The following PTPRD variants were observed in gnomAD, a reference collection of about 807,000 sequenced individuals.
PTPRD encodes the protein receptor-type tyrosine-protein phosphatase delta.
Under a neutral mutation model 214.5 loss-of-function variants are expected in PTPRD, and 34 were observed. That is an observed-to-expected ratio of 0.16 (90% confidence interval 0.12 to 0.21). The LOEUF (loss-of-function observed/expected upper bound fraction) is 0.21. Among genes scored for constraint, PTPRD ranks in the 10% least tolerant of loss-of-function variants. The pLI, the probability that PTPRD is intolerant of heterozygous loss-of-function variation, is 1.00. For synonymous variants in PTPRD, 1,128 were observed against 845.7 expected (o/e 1.33, Z -5.79); for missense variants, 2,545 against 2,398.7 (o/e 1.06, Z -1.27).
chr9:10,369,876 T>G (rs2097578863), intron 2 of PTPRD, among the ~76,000 whole-genome samples: 1 of 152,094 alleles, frequency 6.6e-6, no homozygotes, highest in Admixed American at 6.6e-5. Context: ...CATGTCATAT[T>G]AAATAGAAAC....
intron 2 of PTPRD, among the ~76,000 whole-genome samples, chr9:10,355,047 A>G (rs1402891356): frequency 6.6e-6 from 1 of 152,178 alleles, no homozygotes; most frequent in Non-Finnish European, 1.5e-5. Flanking sequence ...CAGAAAATAA[A>G]TTTCTTAGAA....
intron 2 of PTPRD, among the ~76,000 whole-genome samples, chr9:10,541,713 T>A (rs2135304588): frequency 6.6e-6 from 1 of 152,154 alleles, no homozygotes; most frequent in East Asian, 1.9e-4. Flanking sequence ...ACTAACATGT[T>A]TAATACTTTA....
At chr9:9,137,940 T>C (rs896067890) in intron 10 of PTPRD, among the ~76,000 whole-genome samples, 4 of 152,178 alleles carry the variant, frequency 2.6e-5, no homozygotes, top group Admixed American at 2.6e-4. Context: ...CCCAAAAGAA[T>C]TCATGCATCA....
chr9:8,770,128 A>C (rs904104639), intron 11 of PTPRD, among the ~76,000 whole-genome samples: 1 of 152,076 alleles, frequency 6.6e-6, no homozygotes, highest in Non-Finnish European at 1.5e-5. Context: ...CAAAAAACAC[A>C]AAATTAGCCA....
At chr9:9,857,154 T>C (rs568664989) in intron 5 of PTPRD, among the ~76,000 whole-genome samples, 4 of 152,190 alleles carry the variant, frequency 2.6e-5, no homozygotes, top group Non-Finnish European at 5.9e-5. Context: ...TAGTTGTTAC[T>C]ATGATTGTTT....
chr9:9,868,974 G>T (rs1057460841), intron 5 of PTPRD, among the ~76,000 whole-genome samples: 4 of 152,028 alleles, frequency 2.6e-5, no homozygotes, highest in Non-Finnish European at 5.9e-5. Flanking sequence ...AGGATTCAGG[G>T]ACTATATCAT....
chr9:10,111,952 T>G (rs968686137), intron 3 of PTPRD, among the ~76,000 whole-genome samples: 5 of 152,214 alleles, frequency 3.3e-5, no homozygotes, highest in South Asian at 2.1e-4. Context: ...GTTTCGCATT[T>G]CAGCTAAGTC....
chr9:9,441,375 A>C (rs1397122021), intron 8 of PTPRD, among the ~76,000 whole-genome samples: 1 of 152,236 alleles, frequency 6.6e-6, no homozygotes, highest in Non-Finnish European at 1.5e-5. Flanking sequence ...GTAAAAAGGT[A>C]GAAATAAACT....
At chr9:9,402,478 C>G (rs2071051583) in intron 8 of PTPRD, among the ~76,000 whole-genome samples, 1 of 152,028 alleles carries the variant, frequency 6.6e-6, no homozygotes, top group South Asian at 2.1e-4. Context: ...CATTTAATCA[C>G]CAAATTTCTC....
At chr9:10,201,508 T>C (rs983469173) in intron 3 of PTPRD, among the ~76,000 whole-genome samples, 6 of 152,112 alleles carry the variant, frequency 3.9e-5, no homozygotes, top group Non-Finnish European at 8.8e-5. Flanking sequence ...GTGCTATGTA[T>C]GCATAGGAGT....
At chr9:8,580,519 G>T (rs2092960905) in intron 14 of PTPRD, among the ~76,000 whole-genome samples, 1 of 152,172 alleles carries the variant, frequency 6.6e-6, no homozygotes, top group Non-Finnish European at 1.5e-5. Flanking sequence ...AGTGAATACA[G>T]CACCTGAATG....
intron 9 of PTPRD, among the ~76,000 whole-genome samples, chr9:9,221,998 T>C (rs1321207357): frequency 6.6e-6 from 1 of 152,050 alleles, no homozygotes; most frequent in Non-Finnish European, 1.5e-5. Flanking sequence ...TTTAAATCAA[T>C]CAATGTTATA....
intron 9 of PTPRD, among the ~76,000 whole-genome samples, chr9:9,386,609 G>A (rs987091304): frequency 6.6e-6 from 1 of 151,958 alleles, no homozygotes; most frequent in Admixed American, 6.6e-5. Flanking sequence ...GAGAGTTGTA[G>A]CAAAATGCAT....
intron 8 of PTPRD, among the ~76,000 whole-genome samples, chr9:9,537,115 G>A (rs2076686105): frequency 6.6e-6 from 1 of 151,932 alleles, no homozygotes; most frequent in African/African-American, 2.4e-5. Context: ...AAGGGGACAT[G>A]ATGCATCAAT....
At chr9:8,468,126 A>C (rs1340905989) in intron 31 of PTPRD, among the ~76,000 whole-genome samples, 1 of 152,042 alleles carries the variant, frequency 6.6e-6, no homozygotes, top group Non-Finnish European at 1.5e-5. Context: ...ATTCACAATA[A>C]AATATTTGAG....
chr9:9,973,226 G>C (rs367581490), intron 4 of PTPRD, among the ~76,000 whole-genome samples: 91 of 151,022 alleles, frequency 6.0e-4, no homozygotes, highest in Non-Finnish European at 9.9e-4. Flanking sequence ...ACTTTGAAAG[G>C]CCAAAGCGGG....
At chr9:10,410,837 G>A (rs1363199343) in intron 2 of PTPRD, among the ~76,000 whole-genome samples, 2 of 151,718 alleles carry the variant, frequency 1.3e-5, no homozygotes, top group East Asian at 3.9e-4. Context: ...CTGATAATAT[G>A]AATGAGTGGT....
chr9:8,980,050 A>G (rs977636458), intron 11 of PTPRD, among the ~76,000 whole-genome samples: 1 of 152,152 alleles, frequency 6.6e-6, no homozygotes, highest in Admixed American at 6.6e-5. Flanking sequence ...TTCAGCCTCA[A>G]AAAAAGAAGG....
chr9:10,417,836 A>G (rs1440632713), intron 2 of PTPRD, among the ~76,000 whole-genome samples: 1 of 151,836 alleles, frequency 6.6e-6, no homozygotes, highest in Non-Finnish European at 1.5e-5. Context: ...CACTGTTTGC[A>G]TATTCAAATC....
Sources: allele counts gnomAD v4.1 joint callset (sites outside exome capture counted in the v4.1 genomes callset), GRCh38; gene constraint gnomAD v4.1.1; transcripts MANE v1.5; gene names NCBI Gene and HGNC (gene_info 2026-07-23, HGNC 2026-07-21).